PAN3: variants seen among roughly 807,000 people sequenced by gnomAD.
PAN3 encodes the protein poly(A) specific ribonuclease subunit PAN3, also known as PAN2-PAN3 deadenylation complex subunit PAN3.
PAN3 carries 19 observed loss-of-function variants against 96.2 expected under a neutral mutation model. That is an observed-to-expected ratio of 0.20 (90% CI 0.14 to 0.29). The LOEUF (loss-of-function observed/expected upper bound fraction) is 0.29, where lower values mean the gene tolerates loss of function less well. PAN3 is among the 10% of genes least tolerant of loss of function. The pLI is 1.00. For missense variants in PAN3, 882 were observed against 1,108.1 expected (o/e 0.80, Z 2.90); for synonymous variants, 433 against 406.6 (o/e 1.06, Z -0.78).
intron 6 of PAN3, among the ~76,000 whole-genome samples, chr13:28,254,917 A>T (rs759709492): frequency 6.6e-6 from 1 of 152,218 alleles, no homozygotes; most frequent in East Asian, 1.9e-4. Flanking sequence ...AGCCTGATTT[A>T]CCTCACCTAC....
At chr13:28,142,631 T>G (rs1394978996) in intron 1 of PAN3, among the ~76,000 whole-genome samples, 1 of 152,010 alleles carries the variant, frequency 6.6e-6, no homozygotes, top group African/African-American at 2.4e-5. Flanking sequence ...GTCTCAAACT[T>G]CTGGGCTCAA....
At chr13:28,264,680 A>G (rs1886016741) in intron 9 of PAN3, among the ~76,000 whole-genome samples, 1 of 152,170 alleles carries the variant, frequency 6.6e-6, no homozygotes. Flanking sequence ...ATCCTTGGGA[A>G]TTGCTCTGTT....
chr13:28,161,196 C>T (rs368172747), intron 1 of PAN3, among the ~76,000 whole-genome samples: 10 of 151,790 alleles, frequency 6.6e-5, no homozygotes, highest in East Asian at 3.9e-4. Flanking sequence ...TGTATGTTTT[C>T]GGGGGCGGGG....
chr13:28,226,366 C>G (rs1379889305), intron 6 of PAN3, among the ~76,000 whole-genome samples: 1 of 152,090 alleles, frequency 6.6e-6, no homozygotes, highest in Non-Finnish European at 1.5e-5. Context: ...ATAATTACAG[C>G]TCAAATTAAT....
intron 1 of PAN3, among the ~76,000 whole-genome samples, chr13:28,156,661 C>G (rs1272275130): frequency 6.6e-6 from 1 of 152,066 alleles, no homozygotes; most frequent in African/African-American, 2.4e-5. Context: ...AAATCTTCAA[C>G]AAAATACTAG....
At chr13:28,175,396 T>G (rs1277228190) in intron 2 of PAN3, among the ~76,000 whole-genome samples, 1 of 152,166 alleles carries the variant, frequency 6.6e-6, no homozygotes, top group Non-Finnish European at 1.5e-5. Flanking sequence ...ACTACAGGTG[T>G]GTGCCACCAT....
chr13:28,235,200 C>T (rs974464499), intron 6 of PAN3, among the ~76,000 whole-genome samples: 1 of 152,038 alleles, frequency 6.6e-6, no homozygotes, highest in Non-Finnish European at 1.5e-5. Context: ...ATGGCTGGTT[C>T]CTTCTCTTCT....
At chr13:28,178,810 C>G (rs1232803437) in intron 4 of PAN3, among the ~76,000 whole-genome samples, 1 of 151,958 alleles carries the variant, frequency 6.6e-6, no homozygotes, top group African/African-American at 2.4e-5. Context: ...ATCTGATCAG[C>G]AGATAGTATA....
At chr13:28,186,773 C>T (rs749261896) in intron 4 of PAN3, among the ~76,000 whole-genome samples, 2 of 152,030 alleles carry the variant, frequency 1.3e-5, no homozygotes, top group Non-Finnish European at 2.9e-5. Flanking sequence ...CTGCAATGAG[C>T]TGTGATCGGG....
intron 6 of PAN3, among the ~76,000 whole-genome samples, chr13:28,248,574 GAGTTC>G (rs1198768789): frequency 4.0e-5 from 6 of 151,878 alleles, no homozygotes; most frequent in African/African-American, 1.5e-4. Context: ...ACTCAGACCG[GAGTTC>G]AGTGGTGCAA....
At chr13:28,247,085 T>C (rs1884266577) in intron 6 of PAN3, among the ~76,000 whole-genome samples, 1 of 152,106 alleles carries the variant, frequency 6.6e-6, no homozygotes, top group Non-Finnish European at 1.5e-5. Context: ...CAGTATTCAT[T>C]ATTTTTGTCT....
At chr13:28,224,948 A>G (rs971645544) in intron 6 of PAN3, among the ~76,000 whole-genome samples, 1 of 152,212 alleles carries the variant, frequency 6.6e-6, no homozygotes, top group Non-Finnish European at 1.5e-5. Context: ...AGGCAAACTC[A>G]TATGATTGAT....
chr13:28,138,996 G>T lies in PAN3; in HGVS notation c.339G>T (p.Gly113=), dbSNP rs1869197189. Reference sequence around the variant, plus strand: ...GCGGGGGAGCTGGGCCGCCCCCCGGGCCCAAGAAGCCGGACCTGGGGGACC... The same window carrying T: ...GCGGGGGAGCTGGGCCGCCCCCCGGTCCCAAGAAGCCGGACCTGGGGGACC... ...VAGGGAGPPP[G]PKKPDLGDPG... is the part of the protein sequence containing the mutation. The change falls in exon 1 of 19, where the codon GGG becomes GGT. Residue 113 remains glycine, a synonymous_variant. Transcript: ENST00000380958. 7.9e-7 allele frequency: 1 copy of T among 1,273,046 alleles called. No homozygotes were observed. The highest frequency in any genetic ancestry group is 1.5e-5 in the African/African-American group (1 of 64,692). The allele number at this position is 1,273,046 out of a possible 1,614,324, so 78.9% of individuals were successfully genotyped here.
At chr13:28,291,323 G>A (rs1869719622) in intron 18 of PAN3, among the ~76,000 whole-genome samples, 1 of 152,090 alleles carries the variant, frequency 6.6e-6, no homozygotes, top group African/African-American at 2.4e-5. Context: ...CAAGTTGATA[G>A]ACTAAGGATC....
intron 6 of PAN3, among the ~76,000 whole-genome samples, chr13:28,220,607 CA>C (rs201016441): frequency 7.9e-5 from 12 of 151,654 alleles, no homozygotes; most frequent in Admixed American, 2.0e-4. Context: ...ATAAAACTCA[CA>C]AAAAAATTTA....
At chr13:28,223,620 G>T (rs1199179368) in intron 6 of PAN3, among the ~76,000 whole-genome samples, 1 of 151,010 alleles carries the variant, frequency 6.6e-6, no homozygotes, top group Admixed American at 6.6e-5. Context: ...CTGGAGTGCA[G>T]TGGCGCGATC....
At chr13:28,240,882 T>A (rs570677976) in intron 6 of PAN3, among the ~76,000 whole-genome samples, 3 of 152,360 alleles carry the variant, frequency 2.0e-5, no homozygotes, top group African/African-American at 7.2e-5. Context: ...TACACTCTAT[T>A]CTGGGATGAG....
intron 17 of PAN3, among the ~76,000 whole-genome samples, chr13:28,283,675 A>G (rs1868577980): frequency 6.6e-6 from 1 of 152,258 alleles, no homozygotes; most frequent in Admixed American, 6.5e-5. Context: ...TATTCAAAAT[A>G]GTTTACAAAT....
chr13:28,179,706 A>C (rs535874423), intron 4 of PAN3, among the ~76,000 whole-genome samples: 1 of 143,886 alleles, frequency 6.9e-6, no homozygotes, highest in Non-Finnish European at 1.5e-5. Context: ...CCTGTCTCAG[A>C]CAAAAAAAAA....
Sources: allele counts gnomAD v4.1 joint callset (sites outside exome capture counted in the v4.1 genomes callset), GRCh38; gene constraint gnomAD v4.1.1; transcripts MANE v1.5; gene names NCBI Gene and HGNC (gene_info 2026-07-23, HGNC 2026-07-21).